FTCDNL1: variants seen among roughly 807,000 people sequenced by gnomAD.
FTCDNL1 encodes formiminotransferase N-terminal subdomain-containing protein.
Under a neutral mutation model 5.9 loss-of-function variants are expected in FTCDNL1, and 11 were observed. The ratio of observed to expected loss-of-function variants is 1.87; its 90% CI spans 1.18 to 3.10. The LOEUF (loss-of-function observed/expected upper bound fraction) is 3.10, where lower values mean the gene tolerates loss of function less well. Ranked by LOEUF, FTCDNL1 falls within the 30% of genes most tolerant of loss-of-function variation. The pLI is 0.00. For missense variants in FTCDNL1, 115 were observed against 65.5 expected (o/e 1.76, Z -2.61); for synonymous variants, 58 against 24.8 (o/e 2.34, Z -3.99).
the FTCDNL1 span, among the ~76,000 whole-genome samples, chr2:199,678,615 G>A: frequency 1.4e-3 from 214 of 151,514 alleles, no homozygotes; most frequent in Non-Finnish European, 2.7e-3. Flanking sequence ...TATATTAAGT[G>A]TATGATTTAT....
the FTCDNL1 span, among the ~76,000 whole-genome samples, chr2:199,678,253 G>A: frequency 2.6e-5 from 4 of 152,142 alleles, no homozygotes; most frequent in Admixed American, 6.5e-5. Flanking sequence ...AAAACAAAAT[G>A]ATGATCAGTA....
intron 3 of FTCDNL1, among the ~76,000 whole-genome samples, chr2:199,830,559 C>T (rs1324104908): frequency 6.6e-6 from 1 of 152,172 alleles, no homozygotes; most frequent in East Asian, 1.9e-4. Flanking sequence ...CAGTATTCGT[C>T]CCATATGCTC....
At chr2:199,730,792 C>G in the FTCDNL1 span, among the ~76,000 whole-genome samples, 1 of 152,100 alleles carries the variant, frequency 6.6e-6, no homozygotes, top group Non-Finnish European at 1.5e-5. Flanking sequence ...TGGCGATTCC[C>G]CAAGGATCTA....
chr2:199,752,822 T>C, the FTCDNL1 span, among the ~76,000 whole-genome samples: 1 of 147,272 alleles, frequency 6.8e-6, no homozygotes, highest in South Asian at 2.2e-4. Context: ...AAATTGGAGA[T>C]ATATAGATAG....
At chr2:199,795,371 C>A (rs989244573) in intron 3 of FTCDNL1, among the ~76,000 whole-genome samples, 2 of 152,200 alleles carry the variant, frequency 1.3e-5, no homozygotes, top group Non-Finnish European at 2.9e-5. Context: ...CCAATACAAA[C>A]ACGTGGTTCT....
chr2:199,745,512 G>T, the FTCDNL1 span, among the ~76,000 whole-genome samples: 2 of 152,152 alleles, frequency 1.3e-5, no homozygotes, highest in Non-Finnish European at 2.9e-5. Flanking sequence ...AAGGACAAAG[G>T]ATAATTGTAT....
chr2:199,799,346 G>A (rs1700327663), intron 3 of FTCDNL1, among the ~76,000 whole-genome samples: 1 of 152,140 alleles, frequency 6.6e-6, no homozygotes, highest in Non-Finnish European at 1.5e-5. Flanking sequence ...AGCTTAGTTG[G>A]CCACACACTG....
At chr2:199,738,821 CCTCT>C in the FTCDNL1 span, among the ~76,000 whole-genome samples, 1 of 152,152 alleles carries the variant, frequency 6.6e-6, no homozygotes, top group Non-Finnish European at 1.5e-5. Context: ...TAAATTTCCT[CCTCT>C]CTCTCTGTAT....
rs1421996963 is a variant in FTCDNL1 at position 199,815,115 on chromosome 2, A to AT, written c.398-2392dup. The stretch of plus-strand genomic sequence containing the variant: ...TTAAATTACCCCATAAATGTTTAGG[A>AT]TTTTAAATATATATGTATAAAGTAT... On this transcript the variant is annotated intron_variant, in intron 4 of 4. Coordinates refer to ENST00000420128, the MANE Select transcript of FTCDNL1 (RefSeq NM_001363886.2). Among the ~76,000 whole-genome samples, 7 of 152,358 alleles carry AT rather than the reference A, an allele frequency of 4.6e-5. No homozygotes were observed. The South Asian group carries it at 1.4e-3, about 32-fold the overall frequency.
chr2:199,782,579 T>C (rs1390457782), intron 3 of FTCDNL1, among the ~76,000 whole-genome samples: 1 of 152,198 alleles, frequency 6.6e-6, no homozygotes, highest in African/African-American at 2.4e-5. Context: ...TTATGTCCGC[T>C]GCAATAATAT....
chr2:199,669,280 A>G, the FTCDNL1 span, among the ~76,000 whole-genome samples: 2 of 152,232 alleles, frequency 1.3e-5, no homozygotes, highest in Non-Finnish European at 2.9e-5. Context: ...ATAGGTCTTC[A>G]GCTGAAATCT....
chr2:199,819,934 A>G (rs974151705), intron 3 of FTCDNL1, among the ~76,000 whole-genome samples, 177 bp from the exon 4 acceptor site: 4 of 152,250 alleles, frequency 2.6e-5, no homozygotes, highest in African/African-American at 9.6e-5. Flanking sequence ...AACCATCACC[A>G]CTAAAGCACA....
intron 3 of FTCDNL1, among the ~76,000 whole-genome samples, chr2:199,795,946 C>A (rs1052337361): frequency 6.6e-6 from 1 of 152,034 alleles, no homozygotes; most frequent in Non-Finnish European, 1.5e-5. Context: ...TCTGCCACCA[C>A]CAAGTTTTAG....
chr2:199,676,807 A>T, the FTCDNL1 span, among the ~76,000 whole-genome samples: 1 of 152,118 alleles, frequency 6.6e-6, no homozygotes, highest in Non-Finnish European at 1.5e-5. Flanking sequence ...TAACAATATA[A>T]GTTGTTATGT....
intron 4 of FTCDNL1, among the ~76,000 whole-genome samples, chr2:199,815,802 C>T (rs1347131001): frequency 6.6e-6 from 1 of 152,028 alleles, no homozygotes; most frequent in Non-Finnish European, 1.5e-5. Context: ...GAGTTCGAGA[C>T]CATCCTGGCC....
chr2:199,799,424 C>T (rs982165664), intron 3 of FTCDNL1, among the ~76,000 whole-genome samples: 1 of 152,182 alleles, frequency 6.6e-6, no homozygotes, highest in Non-Finnish European at 1.5e-5. Context: ...GAGCCGGCTG[C>T]CTTCTGCTTC....
chr2:199,689,990 C>G, the FTCDNL1 span, among the ~76,000 whole-genome samples: 1 of 152,096 alleles, frequency 6.6e-6, no homozygotes, highest in East Asian at 1.9e-4. Context: ...TATTAAAAAT[C>G]ATCTTGCAGA....
intron 3 of FTCDNL1, among the ~76,000 whole-genome samples, chr2:199,771,560 T>A (rs1559173480): frequency 6.6e-6 from 1 of 152,170 alleles, no homozygotes; most frequent in Non-Finnish European, 1.5e-5. Flanking sequence ...AGTTTAAGAC[T>A]CTCAGCCTCA....
rs74369072 is a variant in FTCDNL1 at position 199,823,931 on chromosome 2, G to A, written c.212-4174C>T. The stretch of plus-strand genomic sequence containing the variant: ...AGATGGCCTCTTCTTCCAATAGAAT[G>A]TTGTTTCATCAACACTGAAAATCTG... On this transcript the variant is annotated intron_variant, in intron 3 of 4. Coordinates refer to ENST00000420128, the MANE Select transcript of FTCDNL1 (RefSeq NM_001363886.2). 3.5e-4 allele frequency among the ~76,000 whole-genome samples: 53 copies of A among 152,284 alleles called. 1 individual carries two copies. The East Asian group carries it at 0.01, about 29-fold the overall frequency.
Sources: allele counts gnomAD v4.1 joint callset (sites outside exome capture counted in the v4.1 genomes callset), GRCh38; gene constraint gnomAD v4.1.1; transcripts MANE v1.5; gene names NCBI Gene and HGNC (gene_info 2026-07-23, HGNC 2026-07-21).